The following CEP70 variants were observed in gnomAD, a reference collection of about 807,000 sequenced individuals.
CEP70 encodes centrosomal protein of 70 kDa.
A neutral mutation model predicts 90.9 loss-of-function variants in CEP70; 70 were observed. That is an observed-to-expected ratio of 0.77 (90% CI 0.64 to 0.94). CEP70 has a LOEUF of 0.94. Ranked by LOEUF, CEP70 falls within the 40% of genes least tolerant of loss-of-function variation. The probability of loss-of-function intolerance (pLI) is 0.00; values close to 1 mark genes in which losing one functional copy is unlikely to be tolerated. For synonymous variants in CEP70, 220 were observed against 228.3 expected, an observed-to-expected ratio of 0.96 and a Z score of 0.33; for missense variants, 648 against 669.0, an observed-to-expected ratio of 0.97 and a Z score of 0.35.
intron 6 of CEP70, among the ~76,000 whole-genome samples, chr3:138,561,288 GC>G (rs1292479116): frequency 6.6e-6 from 1 of 152,114 alleles, no homozygotes; most frequent in Non-Finnish European, 1.5e-5. Flanking sequence ...CAGCAGACCT[GC>G]AGCAGAGGGG....
chr3:138,536,199 AT>A (rs1576705287), intron 7 of CEP70, among the ~76,000 whole-genome samples: 1 of 152,168 alleles, frequency 6.6e-6, no homozygotes, highest in African/African-American at 2.4e-5. Flanking sequence ...GAGAATATGT[AT>A]ATAATATCCA....
At chr3:138,557,086 C>T (rs1162954393) in intron 6 of CEP70, among the ~76,000 whole-genome samples, 1 of 152,064 alleles carries the variant, frequency 6.6e-6, no homozygotes, top group Non-Finnish European at 1.5e-5. Context: ...ATTTTAGAGG[C>T]CTACCCTCAG....
intron 6 of CEP70, among the ~76,000 whole-genome samples, chr3:138,542,071 C>T (rs1260153513): frequency 1.3e-5 from 2 of 152,206 alleles, no homozygotes; most frequent in African/African-American, 2.4e-5. Context: ...CTTGTGCTAC[C>T]AGCCCAGACC....
At chr3:138,583,072 C>T (rs1487939094) in intron 2 of CEP70, among the ~76,000 whole-genome samples, 1 of 152,108 alleles carries the variant, frequency 6.6e-6, no homozygotes, top group Admixed American at 6.5e-5. Context: ...AACTGAAATA[C>T]ACTTCACCTA....
At chr3:138,577,973 G>A (rs1576920943) in intron 2 of CEP70, among the ~76,000 whole-genome samples, 1 of 152,178 alleles carries the variant, frequency 6.6e-6, no homozygotes, top group Non-Finnish European at 1.5e-5. Flanking sequence ...TTTCATCTCT[G>A]CATCCCACAT....
intron 2 of CEP70, among the ~76,000 whole-genome samples, chr3:138,577,269 C>A (rs561430747): frequency 1.3e-5 from 2 of 152,142 alleles, no homozygotes; most frequent in African/African-American, 2.4e-5. Flanking sequence ...GGGTGCAGCA[C>A]ACCAACATGG....
intron 11 of CEP70, among the ~76,000 whole-genome samples, chr3:138,510,513 C>T (rs1253016164): frequency 2.0e-5 from 3 of 151,778 alleles, no homozygotes; most frequent in Non-Finnish European, 4.4e-5. Context: ...AGATTTAGCA[C>T]ATAAAAAAAT....
chr3:138,498,013 C>T lies in CEP70; in HGVS notation c.1732+18G>A. The stretch of plus-strand genomic sequence containing the variant: ...ATTTTAAGACTCAAAATTTCACCAT[C>T]ACCACCAGAGATCTTACCTAAGATT... On this transcript the variant is annotated intron_variant, in intron 17 of 17. Coordinates refer to ENST00000264982, the MANE Select transcript of CEP70 (RefSeq NM_024491.4). 3 of 1,611,506 alleles carry T rather than the reference C, an allele frequency of 1.9e-6. No homozygotes were observed. The highest frequency in any genetic ancestry group is 1.1e-5 in the South Asian group (1 of 90,462).
chr3:138,495,113 C>T (rs778632863), intron 17 of CEP70, 37 bp from the exon 18 acceptor site: 1 of 1,271,270 alleles, frequency 7.9e-7, no homozygotes, highest in East Asian at 2.3e-5. Context: ...AAGAGAGTAA[C>T]TTTTTCTAGT....
intron 11 of CEP70, among the ~76,000 whole-genome samples, chr3:138,509,461 G>A (rs2035317611): frequency 6.6e-6 from 1 of 152,152 alleles, no homozygotes; most frequent in Non-Finnish European, 1.5e-5. Flanking sequence ...TCTTCACCCA[G>A]AAATACAACT....
At chr3:138,586,849 C>A (rs1560467651) in intron 2 of CEP70, among the ~76,000 whole-genome samples, 1 of 152,152 alleles carries the variant, frequency 6.6e-6, no homozygotes, top group Admixed American at 6.5e-5. Flanking sequence ...TTGTTTCTAA[C>A]ACAAAGGATA....
At chr3:138,582,622 T>C (rs905060898) in intron 2 of CEP70, among the ~76,000 whole-genome samples, 4 of 138,366 alleles carry the variant, frequency 2.9e-5, no homozygotes, top group Non-Finnish European at 6.2e-5. Context: ...ATACAAAAAT[T>C]CTCTGGTGGC....
chr3:138,564,477 C>T (rs944817295), intron 6 of CEP70, among the ~76,000 whole-genome samples: 1 of 152,154 alleles, frequency 6.6e-6, no homozygotes, highest in African/African-American at 2.4e-5. Flanking sequence ...AATCCAGCAG[C>T]ACATCAAAAA....
chr3:138,580,941 TG>T (rs950468656), intron 2 of CEP70, among the ~76,000 whole-genome samples: 1 of 151,982 alleles, frequency 6.6e-6, no homozygotes, highest in Non-Finnish European at 1.5e-5. Context: ...TCAGTGAGCC[TG>T]AACACAGGCT....
At chr3:138,504,071 C>T (rs1170272335) in intron 13 of CEP70, among the ~76,000 whole-genome samples, 1 of 152,116 alleles carries the variant, frequency 6.6e-6, no homozygotes, top group Non-Finnish European at 1.5e-5. Context: ...TTTTTCTAGT[C>T]CATCCCTTCT....
intron 5 of CEP70, 34 bp downstream of exon 5, chr3:138,571,000 A>T: frequency 6.6e-7 from 1 of 1,513,076 alleles, no homozygotes; most frequent in Non-Finnish European, 8.9e-7. Context: ...AACGCATACA[A>T]ACAATTCAAA....
chr3:138,587,015 C>G (rs1375887232), intron 2 of CEP70, among the ~76,000 whole-genome samples: 1 of 151,760 alleles, frequency 6.6e-6, no homozygotes, highest in African/African-American at 2.4e-5. Flanking sequence ...TAAAAAAAAT[C>G]TCTACAGACA....
intron 6 of CEP70, among the ~76,000 whole-genome samples, chr3:138,560,337 C>T (rs1249735590): frequency 4.6e-5 from 7 of 152,220 alleles, no homozygotes; most frequent in Admixed American, 4.6e-4. Context: ...AGCCCAGATA[C>T]TGCGCTTTTC....
intron 7 of CEP70, 42 bp from the exon 8 acceptor site, chr3:138,532,612 G>C: frequency 1.2e-6 from 1 of 862,972 alleles, no homozygotes; most frequent in South Asian, 2.1e-5. Context: ...ATGCGGTATG[G>C]TATTACAGCA....
Sources: allele counts gnomAD v4.1 joint callset (sites outside exome capture counted in the v4.1 genomes callset), GRCh38; gene constraint gnomAD v4.1.1; transcripts MANE v1.5; gene names NCBI Gene and HGNC (gene_info 2026-07-23, HGNC 2026-07-21).